Variants in TAFA4 observed in about 807,000 individuals in gnomAD.
The protein encoded by TAFA4 is TAFA chemokine like family member 4, also known as chemokine-like protein TAFA-4.
A neutral mutation model predicts 21.1 loss-of-function variants in TAFA4; 20 were observed. The observed-to-expected ratio is 0.95, with a 90% CI of 0.67 to 1.38. TAFA4 has a LOEUF of 1.38. Among genes scored for constraint, TAFA4 ranks in the 40% most tolerant of loss-of-function variants. The pLI is 0.00. For synonymous variants in TAFA4, 71 were observed against 67.4 expected (o/e 1.05, Z -0.26); for missense variants, 211 against 180.9 (o/e 1.17, Z -0.95).
At chr3:68,919,507 T>G (rs930322576) in intron 1 of TAFA4, among the ~76,000 whole-genome samples, 2 of 152,180 alleles carry the variant, frequency 1.3e-5, no homozygotes, top group African/African-American at 4.8e-5. Context: ...TTTATGATGA[T>G]GCATACCTTG....
In TAFA4 at chr3:68,768,171, A is replaced by T. The variant is rs190502313; in HGVS notation, c.131-15153T>A. Among the ~76,000 whole-genome samples, 186 of 152,312 alleles carry T rather than the reference A, an allele frequency of 1.2e-3. 2 individuals carry two copies. Among genetic ancestry groups the T allele is most frequent in the Admixed American group, 5.8e-3 (89 of 15,298 alleles). On this transcript the variant is annotated intron_variant, in intron 3 of 5. Transcript: ENST00000295569. ...CAAAGGAAACAATCAGAGTGAAGAG[A>T]TGACCGCAGAATGGGAGAAAATATT... is the stretch of plus-strand genomic sequence containing the variant.
intron 3 of TAFA4, among the ~76,000 whole-genome samples, chr3:68,855,358 T>C (rs146852645): frequency 4.7e-4 from 71 of 152,264 alleles, no homozygotes; most frequent in African/African-American, 1.5e-3. Context: ...GCCAGATAAA[T>C]TGCTAACATA....
intron 1 of TAFA4, among the ~76,000 whole-genome samples, chr3:68,923,815 A>G (rs1240814323): frequency 6.6e-6 from 1 of 152,134 alleles, no homozygotes; most frequent in Admixed American, 6.5e-5. Flanking sequence ...AGTTTGTCCA[A>G]CGTTTCTTGA....
At chr3:68,827,147 G>T (rs1048099374) in intron 3 of TAFA4, among the ~76,000 whole-genome samples, 6 of 145,734 alleles carry the variant, frequency 4.1e-5, no homozygotes, top group African/African-American at 5.1e-5. Context: ...TTGGTTTTCT[G>T]TCCTTGTGAT....
chr3:68,875,202 T>C (rs1164319779), intron 3 of TAFA4, among the ~76,000 whole-genome samples: 1 of 151,954 alleles, frequency 6.6e-6, no homozygotes, highest in Non-Finnish European at 1.5e-5. Flanking sequence ...AACTGTACCT[T>C]GATAGGAGCT....
rs150788409 is a variant in TAFA4, at chr3:68,769,919, A to C, written c.131-16901T>G. 5.7e-3 allele frequency among the ~76,000 whole-genome samples: 863 copies of C among 152,210 alleles called. 9 individuals carry two copies. The highest frequency in any genetic ancestry group is 0.019 in the African/African-American group (801 of 41,512). ...TCGAATTCAGGAATTAATCTTTTTA[A>C]TCCTCTTTTTCATACATGGCTTACA... On this transcript the variant is annotated intron_variant, in intron 3 of 5. Transcript: ENST00000295569.
chr3:68,815,552 C>T (rs539634452), intron 3 of TAFA4, among the ~76,000 whole-genome samples: 4 of 152,232 alleles, frequency 2.6e-5, no homozygotes, highest in African/African-American at 7.2e-5. Context: ...AGCCAAAAGA[C>T]GCATGAAAAA....
chr3:68,775,880 C>G (rs1703039858), intron 3 of TAFA4, among the ~76,000 whole-genome samples: 2 of 152,188 alleles, frequency 1.3e-5, no homozygotes, highest in South Asian at 2.1e-4. Context: ...TCCACACATA[C>G]TGTCCAGCAT....
chr3:68,900,097 A>C (rs1433335680), intron 1 of TAFA4, among the ~76,000 whole-genome samples: 1 of 146,594 alleles, frequency 6.8e-6, no homozygotes, highest in East Asian at 2.0e-4. Flanking sequence ...AAAAAAAAAA[A>C]CACAAAAATT....
At chr3:68,759,526 C>CT (rs1346070712) in intron 3 of TAFA4, among the ~76,000 whole-genome samples, 1 of 152,134 alleles carries the variant, frequency 6.6e-6, no homozygotes, top group African/African-American at 2.4e-5. Flanking sequence ...TTCAATAAGC[C>CT]TGGTACCAGA....
At chr3:68,743,263 A>AGCAG (rs1469156187) in intron 4 of TAFA4, among the ~76,000 whole-genome samples, 1 of 152,148 alleles carries the variant, frequency 6.6e-6, no homozygotes, top group East Asian at 1.9e-4. Context: ...GGATGTACAT[A>AGCAG]GCAGGTAAAA....
chr3:68,907,878 A>G (rs943058382), intron 1 of TAFA4, among the ~76,000 whole-genome samples: 2 of 152,258 alleles, frequency 1.3e-5, no homozygotes, highest in African/African-American at 4.8e-5. Context: ...CATCATGCCA[A>G]TCCCAGACAG....
intron 3 of TAFA4, among the ~76,000 whole-genome samples, chr3:68,762,516 A>T (rs1038611066): frequency 6.6e-6 from 1 of 152,186 alleles, no homozygotes; most frequent in African/African-American, 2.4e-5. Context: ...GCTCATTTAC[A>T]GTCTTCCTCT....
chr3:68,791,105 C>CCA (rs770996764), intron 3 of TAFA4, among the ~76,000 whole-genome samples: 25 of 152,296 alleles, frequency 1.6e-4, no homozygotes, highest in Admixed American at 4.6e-4. Flanking sequence ...AAGTATCTGA[C>CCA]CACACATGGC....
intron 3 of TAFA4, among the ~76,000 whole-genome samples, chr3:68,849,899 G>A (rs765997627): frequency 6.6e-6 from 1 of 152,110 alleles, no homozygotes; most frequent in Non-Finnish European, 1.5e-5. Flanking sequence ...TCAGTCCTTC[G>A]AAGGATTTTT....
At chr3:68,773,839 A>G (rs1221059004) in intron 3 of TAFA4, among the ~76,000 whole-genome samples, 1 of 152,228 alleles carries the variant, frequency 6.6e-6, no homozygotes. Flanking sequence ...TGAGAAGGAC[A>G]GGGAAACAAG....
chr3:68,736,137 C>T (rs553763991), intron 5 of TAFA4, among the ~76,000 whole-genome samples: 12 of 152,186 alleles, frequency 7.9e-5, no homozygotes, highest in African/African-American at 2.2e-4. Context: ...AAACAAGATA[C>T]GGCAAATGCT....
intron 3 of TAFA4, among the ~76,000 whole-genome samples, chr3:68,809,094 AT>A (rs552209968): frequency 2.3e-4 from 35 of 152,220 alleles, no homozygotes; most frequent in Non-Finnish European, 4.8e-4. Flanking sequence ...TAAAATTAAA[AT>A]CTGTAATAAT....
rs139821591 is a variant in TAFA4, at chr3:68,739,380, A to C, written c.287-181T>G. On this transcript the variant is annotated intron_variant, in intron 4 of 5. Coordinates refer to ENST00000295569, the MANE Select transcript of TAFA4 (RefSeq NM_182522.5). ...AAAATATTTCATTTTTTTATTAAAAATTTTAAAAGCAACAGATGTTGGTGA... is the reference window on the plus strand; with the variant it reads ...AAAATATTTCATTTTTTTATTAAAACTTTTAAAAGCAACAGATGTTGGTGA... Among the ~76,000 whole-genome samples, 2,405 of 152,330 alleles carry C rather than the reference A, an allele frequency of 0.016. 61 individuals are homozygous for C. Among genetic ancestry groups the C allele is most frequent in the African/African-American group, 0.055 (2,283 of 41,570 alleles).
Sources: allele counts gnomAD v4.1 joint callset (sites outside exome capture counted in the v4.1 genomes callset), GRCh38; gene constraint gnomAD v4.1.1; transcripts MANE v1.5; gene names NCBI Gene and HGNC (gene_info 2026-07-23, HGNC 2026-07-21).